The following CNTN1 variants were observed in gnomAD, a reference collection of about 807,000 sequenced individuals.
CNTN1 encodes the protein contactin-1.
CNTN1 carries 38 observed loss-of-function variants against 126.4 expected under a neutral mutation model. The ratio of observed to expected loss-of-function variants is 0.30; its 90% CI spans 0.23 to 0.39. The LOEUF (loss-of-function observed/expected upper bound fraction) is 0.39. Ranked by LOEUF, CNTN1 falls within the 10% of genes least tolerant of loss-of-function variation. The pLI is 1.00. For missense variants in CNTN1, 1,009 were observed against 1,248.4 expected, an observed-to-expected ratio of 0.81 and a Z score of 2.89; for synonymous variants, 413 against 422.6, an observed-to-expected ratio of 0.98 and a Z score of 0.28.
chr12:40,930,399 AT>A (rs1392040595), intron 7 of CNTN1, among the ~76,000 whole-genome samples: 2 of 151,994 alleles, frequency 1.3e-5, no homozygotes, highest in Non-Finnish European at 2.9e-5. Context: ...TAATTGTAGA[AT>A]TTTTTAAGTC....
At chr12:41,034,186 G>T (rs559292157) in intron 23 of CNTN1, among the ~76,000 whole-genome samples, 2 of 152,290 alleles carry the variant, frequency 1.3e-5, no homozygotes, top group South Asian at 4.2e-4. Flanking sequence ...TATTCATTTT[G>T]TGTATTTTGT....
chr12:40,745,289 C>A (rs1938133448), intron 1 of CNTN1, among the ~76,000 whole-genome samples: 1 of 152,088 alleles, frequency 6.6e-6, no homozygotes, highest in Non-Finnish European at 1.5e-5. Flanking sequence ...TATGACACAA[C>A]CCTCAGGAGA....
chr12:40,999,771 C>T (rs1179620854), intron 17 of CNTN1, among the ~76,000 whole-genome samples: 2 of 140,966 alleles, frequency 1.4e-5, no homozygotes, highest in Non-Finnish European at 3.0e-5. Context: ...GGCAGGATCT[C>T]GGCTCACAGC....
At chr12:40,928,849 A>G (rs964761125) in intron 6 of CNTN1, among the ~76,000 whole-genome samples, 3 of 152,056 alleles carry the variant, frequency 2.0e-5, no homozygotes, top group Non-Finnish European at 4.4e-5. Context: ...GCCATTTGTC[A>G]TGATTATTCA....
chr12:40,773,418 A>C (rs1592070989), intron 1 of CNTN1, among the ~76,000 whole-genome samples: 1 of 151,532 alleles, frequency 6.6e-6, no homozygotes, highest in African/African-American at 2.4e-5. Flanking sequence ...ACCTATATTT[A>C]TTTTTAAAAA....
chr12:40,714,168 CAGAT>C (rs905248144), intron 1 of CNTN1, among the ~76,000 whole-genome samples: 1 of 152,050 alleles, frequency 6.6e-6, no homozygotes, highest in Non-Finnish European at 1.5e-5. Context: ...AAATTCTTCA[CAGAT>C]AGACACATAT....
At chr12:40,887,800 G>C (rs1268331926) in intron 1 of CNTN1, among the ~76,000 whole-genome samples, 1 of 152,096 alleles carries the variant, frequency 6.6e-6, no homozygotes, top group South Asian at 2.1e-4. Context: ...TTAAGAAAAT[G>C]TGGCGCGTAT....
rs1950170281 is a variant in CNTN1 at position 41,072,252 on chromosome 12, GA to G, written c.*2220del. 6.6e-6 allele frequency: 1 copy of G among 152,160 alleles called. No individual in the cohort carries two copies. Among genetic ancestry groups the G allele is most frequent in the Non-Finnish European group, 1.5e-5 (1 of 68,018 alleles). The allele number at this position is 152,160 out of a possible 1,614,324, so 9.4% of individuals were successfully genotyped here. A position where few individuals can be genotyped will look rare whatever the true frequency, so the allele number is the denominator to read the frequency against. On this transcript the variant is annotated 3_prime_UTR_variant, in exon 24 of 24. Coordinates refer to ENST00000551295, the MANE Select transcript of CNTN1 (RefSeq NM_001843.4). Reference sequence around the variant, plus strand: ...CATCTGTTGTTTCTTTGTATTTCAGGAAAGGTGATAGTAGTTTTATTTGATA... The same window carrying G: ...CATCTGTTGTTTCTTTGTATTTCAGGAAGGTGATAGTAGTTTTATTTGATA...
At chr12:40,925,403 G>A (rs1048850517) in intron 6 of CNTN1, among the ~76,000 whole-genome samples, 2 of 151,308 alleles carry the variant, frequency 1.3e-5, no homozygotes, top group Non-Finnish European at 3.0e-5. Flanking sequence ...CATAGAGAAT[G>A]AAACGTAACA....
intron 1 of CNTN1, among the ~76,000 whole-genome samples, chr12:40,772,218 C>T (rs1939365761): frequency 6.6e-6 from 1 of 152,076 alleles, no homozygotes; most frequent in Non-Finnish European, 1.5e-5. Flanking sequence ...TCTAAATTGC[C>T]TTCAAGTATT....
At chr12:40,974,169 G>GT (rs1386834666) in intron 15 of CNTN1, among the ~76,000 whole-genome samples, 5 of 152,072 alleles carry the variant, frequency 3.3e-5, no homozygotes, top group Admixed American at 6.6e-5. Context: ...ACATAGGTAT[G>GT]TTTTTCTAAA....
At chr12:40,911,591 C>G (rs1468063818) in intron 3 of CNTN1, among the ~76,000 whole-genome samples, 1 of 152,222 alleles carries the variant, frequency 6.6e-6, no homozygotes, top group East Asian at 1.9e-4. Context: ...CAAAAACTGC[C>G]TCATTCATGT....
chr12:40,891,694 C>T (rs189281194), intron 1 of CNTN1, among the ~76,000 whole-genome samples: 129 of 152,078 alleles, frequency 8.5e-4, no homozygotes, highest in African/African-American at 3.0e-3. Flanking sequence ...AGTTGATTAT[C>T]TTTATATGAT....
chr12:40,942,813 G>A (rs150720503), intron 12 of CNTN1, among the ~76,000 whole-genome samples: 7 of 152,164 alleles, frequency 4.6e-5, no homozygotes, highest in Admixed American at 2.6e-4. Context: ...TAATGTTAGC[G>A]GAAATTTTGT....
intron 1 of CNTN1, among the ~76,000 whole-genome samples, chr12:40,702,395 T>A (rs371375895): frequency 1.3e-5 from 2 of 152,332 alleles, no homozygotes. Context: ...CAGTTTTGTG[T>A]TATTACTGAT....
In CNTN1 at chr12:40,886,575, G is replaced by C. The variant is rs557222998; in HGVS notation, c.-76-21782G>C. On this transcript the variant is annotated intron_variant, in intron 1 of 23. Coordinates refer to ENST00000551295, the MANE Select transcript of CNTN1 (RefSeq NM_001843.4). ...GTGCAGAAGCTCTTTAGTTTAATTA[G>C]ATCCCATTTGTCAATTTTGGCTTCT... 3.1e-3 allele frequency among the ~76,000 whole-genome samples: 477 copies of C among 152,224 alleles called. 3 individuals carry two copies. Among genetic ancestry groups the C allele is most frequent in the African/African-American group, 0.011 (455 of 41,540 alleles).
chr12:41,057,900 A>G (rs1179630979), intron 23 of CNTN1, among the ~76,000 whole-genome samples: 1 of 152,110 alleles, frequency 6.6e-6, no homozygotes, highest in African/African-American at 2.4e-5. Context: ...AATCAGTTGG[A>G]CTTGGCACCC....
intron 9 of CNTN1, 53 bp downstream of exon 9, chr12:40,933,931 C>A: frequency 7.1e-7 from 1 of 1,398,714 alleles, no homozygotes; most frequent in Non-Finnish European, 1.0e-6. Context: ...TTATTTAGAG[C>A]CATTTCCATA....
chr12:40,864,853 G>T (rs1311799408), intron 1 of CNTN1, among the ~76,000 whole-genome samples: 1 of 152,054 alleles, frequency 6.6e-6, no homozygotes. Flanking sequence ...ATACAATTAA[G>T]GGTGGAATTG....
Sources: allele counts gnomAD v4.1 joint callset (sites outside exome capture counted in the v4.1 genomes callset), GRCh38; gene constraint gnomAD v4.1.1; transcripts MANE v1.5; gene names NCBI Gene and HGNC (gene_info 2026-07-23, HGNC 2026-07-21).